The following HCN4 variants were observed in gnomAD, a reference collection of about 807,000 sequenced individuals.
The protein encoded by HCN4 is potassium/sodium hyperpolarization-activated cyclic nucleotide-gated channel 4.
Under a neutral mutation model 76.9 loss-of-function variants are expected in HCN4, and 29 were observed. That is an observed-to-expected ratio of 0.38 (90% confidence interval 0.28 to 0.51). The LOEUF is 0.51. HCN4 is among the 20% of genes least tolerant of loss of function. The probability of loss-of-function intolerance (pLI) is 0.90; values close to 1 mark genes in which losing one functional copy is unlikely to be tolerated. For missense variants in HCN4, 1,416 were observed against 1,715.2 expected (o/e 0.83, Z 3.08); for synonymous variants, 772 against 762.5 (o/e 1.01, Z -0.21).
intron 1 of HCN4, among the ~76,000 whole-genome samples, chr15:73,361,430 T>C (rs2043104305): frequency 6.6e-6 from 1 of 152,222 alleles, no homozygotes; most frequent in Non-Finnish European, 1.5e-5. Context: ...TGGCCCTCTC[T>C]GTCTGGGAAA....
At chr15:73,349,094 T>C (rs1015341658) in intron 1 of HCN4, among the ~76,000 whole-genome samples, 8 of 151,416 alleles carry the variant, frequency 5.3e-5, no homozygotes, top group Non-Finnish European at 8.8e-5. Context: ...GCTTCCATGA[T>C]GGCTTCTGCA....
intron 1 of HCN4, among the ~76,000 whole-genome samples, chr15:73,365,536 G>C (rs1290505714): frequency 6.6e-6 from 1 of 152,224 alleles, no homozygotes; most frequent in East Asian, 1.9e-4. Context: ...CTGCAGCAGG[G>C]GGACTGCAGA....
rs2151216554 is a variant in HCN4, at chr15:73,328,263, A to G, written c.1590+1310T>C. Among the ~76,000 whole-genome samples, 1 of 151,938 alleles carries G rather than the reference A, an allele frequency of 6.6e-6. No homozygotes were observed. Among genetic ancestry groups the G allele is most frequent in the African/African-American group, 2.4e-5 (1 of 41,432 alleles). ...CCTGGGGAGGAGAGTTGAGGGTGAA[A>G]GCCCGTGTCTGGGTCCCATGGCAGG... On this transcript the variant is annotated intron_variant, in intron 4 of 7. Coordinates refer to ENST00000261917, the MANE Select transcript of HCN4 (RefSeq NM_005477.3). The surrounding 1 kb of genome is among the most constrained non-coding windows in gnomAD (Gnocchi z 4.0).
Position 73,345,882 on chromosome 15 carries a change from G to A in HCN4, c.786-2074C>T, listed in dbSNP as rs146716732. Among the ~76,000 whole-genome samples, 30 of 152,272 alleles carry A rather than the reference G, an allele frequency of 2.0e-4. No homozygotes were observed. In the East Asian group the frequency reaches 4.8e-3, roughly 24 times the overall value. Reference sequence around the variant, plus strand: ...AAAATTAACAGAGCGGGTGCAAGGCGGCTGGGAATGCTGACTCGGGCGGGC... The same window carrying A: ...AAAATTAACAGAGCGGGTGCAAGGCAGCTGGGAATGCTGACTCGGGCGGGC... On this transcript the variant is annotated intron_variant, in intron 1 of 7. Transcript: ENST00000261917.
rs748468603 is a variant in HCN4, at chr15:73,367,686, A to C, written c.585T>G (p.Ala195=). The C allele has an allele frequency of 8.1e-6, 13 of 1,601,906 alleles. No homozygotes were observed. The highest frequency in any genetic ancestry group is 1.1e-5 in the Non-Finnish European group (13 of 1,179,494). The change falls in exon 1 of 8, where the codon GCT becomes GCG. Residue 195 remains alanine (A), a synonymous_variant. Transcript: ENST00000261917. This position sits in a 1 kb window ranked among gnomAD's most constrained non-coding sequence, Gnocchi z 7.5. ...CCTCCGGGAGGATCTGGTCGCCGGC[A>C]GCCGCGCCTCCCTCCACTTTGATAG... is the stretch of plus-strand genomic sequence containing the variant. ...DTAIKVEGGA[A]AGDQILPEAE... is the part of the protein sequence containing the mutation.
chr15:73,367,356 A>ACT lies in HCN4; in HGVS notation c.785+129_785+130insAG. On this transcript the variant is annotated intron_variant, in intron 1 of 7. Transcript: ENST00000261917. The surrounding 1 kb of genome is among the most constrained non-coding windows in gnomAD (Gnocchi z 7.5). Reference sequence around the variant, plus strand: ...GGCCTGGGGGTGTCTCGGAGCCTAGAGGCGCCCTGCCTCTCTTGGAGCTCC... The same window carrying ACT: ...GGCCTGGGGGTGTCTCGGAGCCTAGACTGGCGCCCTGCCTCTCTTGGAGCTCC... The ACT allele has an allele frequency of 7.0e-7, 1 of 1,427,386 alleles. No individual in the cohort carries two copies. Among genetic ancestry groups the ACT allele is most frequent in the Non-Finnish European group, 9.5e-7 (1 of 1,056,332 alleles). 88.4% of individuals were successfully genotyped at this position (1,427,386 alleles called of 1,614,324 possible). A position where few individuals can be genotyped will look rare whatever the true frequency, so the allele number is the denominator to read the frequency against.
rs375911378 is a variant in HCN4, at chr15:73,322,562, C to T, written c.3531G>A (p.Gly1177=). The T allele has an allele frequency of 1.2e-6, 2 of 1,606,894 alleles. No homozygotes were observed. The highest frequency in any genetic ancestry group is 1.7e-5 in the Admixed American group (1 of 59,212). Residue 1177 remains glycine, a synonymous_variant, in exon 8 of 8, where the codon GGG becomes GGA. Transcript: ENST00000261917. ...TCTGGGGTCCAGCAGTCAGAGGGGG[C>T]CCCCCAGAAGAGGTGGCTCTTGCCC... ...LFGARATSSG[G]PPLTAGPQRE... is the part of the protein sequence containing the mutation.
chr15:73,324,108 C>T lies in HCN4; in HGVS notation c.2124G>A (p.Leu708=). 1 of 1,613,460 alleles carries T rather than the reference C, an allele frequency of 6.2e-7. No homozygotes were observed. Residue 708 remains leucine (L), a synonymous_variant, in exon 7 of 8, where the codon CTG becomes CTA. Transcript: ENST00000261917. ...MMRRAFETVA[L]DRLDRIGKKN... ...CCTCACCAATGCGGTCCAGGCGGTC[C>T]AGCGCCACGGTCTCGAAGGCCCTTC...
intron 2 of HCN4, among the ~76,000 whole-genome samples, chr15:73,338,825 T>C (rs1194604910): frequency 1.3e-5 from 2 of 152,356 alleles, no homozygotes; most frequent in African/African-American, 2.4e-5. Context: ...CTGCTGCATA[T>C]GCATGCTGGG....
intron 1 of HCN4, among the ~76,000 whole-genome samples, chr15:73,356,189 C>CTTT (rs527385643): frequency 5.2e-4 from 70 of 135,248 alleles, no homozygotes; most frequent in African/African-American, 1.9e-3. Flanking sequence ...TTGTTTTTTG[C>CTTT]TTTTTTTTTT....
chr15:73,323,288 G>T lies in HCN4; in HGVS notation c.2805C>A (p.Ser935=). The T allele has an allele frequency of 6.5e-7, 1 of 1,537,140 alleles. No homozygotes were observed. The highest frequency in any genetic ancestry group is 8.8e-7 in the Non-Finnish European group (1 of 1,140,384). ...CGGGAGATGGCTGGGCAGCCTGCGG[G>T]GAGCGGGCGCCTGGCTGCAGCGGGG... ...LLTPLQPGAR[S]PQAAQPSPAP... The change falls in exon 8 of 8, where the codon TCC becomes TCA. Residue 935 remains serine (S), a synonymous_variant. Transcript: ENST00000261917.
rs1402944952 is a variant in HCN4 at position 73,321,934 on chromosome 15, ACATATT to A, written c.*541_*546del. 5.6e-6 allele frequency: 1 copy of A among 177,338 alleles called. No homozygotes were observed. Among genetic ancestry groups the A allele is most frequent in the African/African-American group, 2.4e-5 (1 of 41,672 alleles). 11.0% of individuals were successfully genotyped at this position (177,338 alleles called of 1,614,324 possible). A position where few individuals can be genotyped will look rare whatever the true frequency, so the allele number is the denominator to read the frequency against. On this transcript the variant is annotated 3_prime_UTR_variant, in exon 8 of 8. Coordinates refer to ENST00000261917, the MANE Select transcript of HCN4 (RefSeq NM_005477.3). ...ACACATCTTACATACATATACATAT[ACATATT>A]CATATACAGATCTTGCTACGTTTAC...
rs771516698 is a variant in HCN4, at chr15:73,322,879, G to A, written c.3214C>T (p.Pro1072Ser). The change falls in exon 8 of 8, where the codon CCC becomes TCC. Residue 1072 changes from proline (P) to serine (S), a missense_variant. By Grantham distance (74) the Pro-to-Ser change is moderately conservative. This residue lies in a region of HCN4 where 633 missense variants were observed against 579.8 expected (regional missense o/e 1.09). Coordinates refer to ENST00000261917, the MANE Select transcript of HCN4 (RefSeq NM_005477.3). ...GTGAGGCGGCCGGGGGTGAGCGGGG[G>A]TGTGCCCCGGCGCTGGGGGACCTGG... ...PPQVPQRRGT[P>S]PLTPGRLTQD... is the part of the protein sequence containing the mutation. 2.0e-6 allele frequency: 3 copies of A among 1,468,776 alleles called. No individual in the cohort carries two copies. The highest frequency in any genetic ancestry group is 5.2e-5 in the Admixed American group (2 of 38,142). The allele number at this position is 1,468,776 out of a possible 1,614,324, so 91.0% of individuals were successfully genotyped here.
chr15:73,341,072 G>A (rs1188187848), intron 2 of HCN4: 1 of 20,310 alleles, frequency 4.9e-5, no homozygotes, highest in Non-Finnish European at 3.8e-4. Context: ...GGAGGTAGGT[G>A]TGTGTGTGTG....
intron 1 of HCN4, among the ~76,000 whole-genome samples, chr15:73,354,122 C>T (rs368091031): frequency 6.9e-4 from 105 of 152,296 alleles, no homozygotes; most frequent in African/African-American, 2.2e-3. Flanking sequence ...GGTTTACAGG[C>T]GGGTTGTTTG....
In HCN4 at chr15:73,323,911, C is replaced by A; in HGVS notation, c.2182G>T (p.Asp728Tyr). The change falls in exon 8 of 8, where the codon GAC (aspartate) becomes TAC (tyrosine). Residue 728 changes from aspartate to tyrosine, a missense_variant. Transcript: ENST00000261917. ...NSILLHKVQH[D>Y]LNSGVFNYQE... ...TAGTTGAAGACGCCGGAGTTGAGGT[C>A]GTGCTGGACTTTGTGGAGGAGGATG... The A allele has an allele frequency of 6.2e-7, 1 of 1,603,852 alleles. No homozygotes were observed. The highest frequency in any genetic ancestry group is 1.7e-5 in the Admixed American group (1 of 60,024).
chr15:73,358,678 A>C (rs1483948694), intron 1 of HCN4, among the ~76,000 whole-genome samples: 1 of 152,218 alleles, frequency 6.6e-6, no homozygotes, highest in Non-Finnish European at 1.5e-5. Context: ...TAAGGAGTAC[A>C]GGTTAAAGGA....
chr15:73,362,119 C>T (rs1054203363), intron 1 of HCN4, among the ~76,000 whole-genome samples: 2 of 152,288 alleles, frequency 1.3e-5, no homozygotes, highest in East Asian at 1.9e-4. Context: ...AGCCAGCATG[C>T]GGGACCAGCA....
intron 1 of HCN4, among the ~76,000 whole-genome samples, chr15:73,356,219 C>T (rs1357016007): frequency 2.0e-5 from 3 of 148,830 alleles, no homozygotes; most frequent in Admixed American, 6.7e-5. Flanking sequence ...TAGGGTCTCA[C>T]TCTGTAGCCC....
Sources: gnomAD v4.1 joint callset for allele counts (sites outside exome capture counted in the v4.1 genomes callset) on GRCh38, gnomAD v4.1.1 for gene constraint, gnomAD v4.1.1 regional missense constraint, Gnocchi (gnomAD v3.1) non-coding constraint, MANE v1.5 for transcripts, NCBI Gene and HGNC (gene_info 2026-07-23, HGNC 2026-07-21) for gene names.